The following GLCE variants were observed in gnomAD, a reference collection of about 807,000 sequenced individuals.
The protein encoded by GLCE is glucuronic acid epimerase.
In GLCE, 19 loss-of-function variants were observed where a neutral mutation model predicts 47.9. That is an observed-to-expected ratio of 0.40 (90% CI 0.28 to 0.58). The LOEUF is 0.58. Ranked by LOEUF, GLCE falls within the 20% of genes least tolerant of loss-of-function variation. GLCE has a pLI of 0.48. For synonymous variants in GLCE, 245 were observed against 263.4 expected, an observed-to-expected ratio of 0.93 and a Z score of 0.68; for missense variants, 556 against 743.3, an observed-to-expected ratio of 0.75 and a Z score of 2.93.
At chr15:69,218,712 A>C (rs1232449275) in intron 2 of GLCE, among the ~76,000 whole-genome samples, 2 of 152,232 alleles carry the variant, frequency 1.3e-5, no homozygotes, top group Admixed American at 6.5e-5. Context: ...TCAGTATAAT[A>C]CCTATTAATG....
intron 1 of GLCE, among the ~76,000 whole-genome samples, chr15:69,167,425 A>G (rs2051521499): frequency 6.6e-6 from 1 of 152,220 alleles, no homozygotes; most frequent in Non-Finnish European, 1.5e-5. Context: ...CCTGAAGCAC[A>G]TGGTTCCCTA....
intron 1 of GLCE, among the ~76,000 whole-genome samples, chr15:69,176,948 C>G (rs183943083): frequency 2.1e-4 from 32 of 152,034 alleles, no homozygotes; most frequent in African/African-American, 7.7e-4. Flanking sequence ...AGAATCAGGA[C>G]ACTCTCAAAT....
At chr15:69,204,466 G>A (rs1223434850) in intron 1 of GLCE, among the ~76,000 whole-genome samples, 1 of 151,592 alleles carries the variant, frequency 6.6e-6, no homozygotes, top group Non-Finnish European at 1.5e-5. Flanking sequence ...TGTATTTTTG[G>A]TAGAGACAGG....
intron 3 of GLCE, among the ~76,000 whole-genome samples, chr15:69,259,149 A>G (rs758359069): frequency 6.6e-6 from 1 of 152,180 alleles, no homozygotes; most frequent in Non-Finnish European, 1.5e-5. Context: ...GAGGTCAGAT[A>G]TCTTTTTCTT....
intron 2 of GLCE, among the ~76,000 whole-genome samples, chr15:69,230,162 C>T (rs954586041): frequency 1.0e-4 from 15 of 150,166 alleles, no homozygotes; most frequent in African/African-American, 2.7e-4. Context: ...GAGCCAAGAT[C>T]GCGCCATTGT....
chr15:69,270,610 C>T lies in GLCE; in HGVS notation c.*1366C>T, dbSNP rs1234843946. On this transcript the variant is annotated 3_prime_UTR_variant, in exon 5 of 5. Coordinates refer to ENST00000261858, the MANE Select transcript of GLCE (RefSeq NM_015554.3). ...GGGACCGAGTCTGACAAACACAATA[C>T]ATTTATCTGTGACCTATATCAAGTA... is the stretch of plus-strand genomic sequence containing the variant. 6.6e-6 allele frequency: 1 copy of T among 152,102 alleles called. No individual in the cohort carries two copies. Among genetic ancestry groups the T allele is most frequent in the Non-Finnish European group, 1.5e-5 (1 of 68,026 alleles). 9.4% of individuals were successfully genotyped at this position (152,102 alleles called of 1,614,324 possible). A position where few individuals can be genotyped will look rare whatever the true frequency, so the allele number is the denominator to read the frequency against.
At chr15:69,201,686 G>T (rs2052078071) in intron 1 of GLCE, among the ~76,000 whole-genome samples, 1 of 149,654 alleles carries the variant, frequency 6.7e-6, no homozygotes, top group African/African-American at 2.5e-5. Flanking sequence ...CATTGAGTTA[G>T]AAACCTCATT....
chr15:69,266,827 T>G (rs1326939680), intron 4 of GLCE: 2 of 368,918 alleles, frequency 5.4e-6, no homozygotes, highest in Non-Finnish European at 7.5e-6. Context: ...TACAACTAAT[T>G]AGCTTTTGGC....
chr15:69,268,531 G>T lies in GLCE; in HGVS notation c.1141G>T (p.Val381Phe). 1 of 1,614,174 alleles carries T rather than the reference G, an allele frequency of 6.2e-7. No individual in the cohort carries two copies. Among genetic ancestry groups the T allele is most frequent in the Non-Finnish European group, 8.5e-7 (1 of 1,180,028 alleles). The change falls in exon 5 of 5, where the codon GTT (valine) becomes TTT (phenylalanine). Residue 381 changes from valine (V) to phenylalanine (F), a missense_variant. Val to Phe is a conservative substitution (Grantham distance 50). Around this residue, in one of 3 missense-constraint regions of GLCE, gnomAD observed 245 missense variants for 368.1 expected, o/e 0.67. Coordinates refer to ENST00000261858, the MANE Select transcript of GLCE (RefSeq NM_015554.3). ...AACCAAAATAATGCCCAAGAAGGTGGTTAGGTTGATTGCAAAAGGTAAGGG... is the reference window on the plus strand; with the variant it reads ...AACCAAAATAATGCCCAAGAAGGTGTTTAGGTTGATTGCAAAAGGTAAGGG... Reference protein sequence around the residue: ...KPTKIMPKKVVRLIAKGKGFL... With the variant: ...KPTKIMPKKVFRLIAKGKGFL...
At chr15:69,207,324 A>G (rs1279591146) in intron 1 of GLCE, among the ~76,000 whole-genome samples, 1 of 152,094 alleles carries the variant, frequency 6.6e-6, no homozygotes, top group Non-Finnish European at 1.5e-5. Context: ...TGACAAATGC[A>G]TAACGTCATG....
intron 2 of GLCE, among the ~76,000 whole-genome samples, chr15:69,214,537 T>C (rs1351320563): frequency 6.6e-6 from 1 of 152,200 alleles, no homozygotes; most frequent in East Asian, 1.9e-4. Context: ...GTGAGTCAAT[T>C]AAACCTCTTT....
At position 69,248,670 on chromosome 15, in the gene GLCE, A is replaced by G. The variant is rs139337653; in HGVS notation, c.-13-7124A>G. On this transcript the variant is annotated intron_variant, in intron 2 of 4. Transcript: ENST00000261858. ...TTTTTGCCCCCTCACTCTGTCGCCC[A>G]GGCTGGAGTGCAATGGCGATCTCAG... is the stretch of plus-strand genomic sequence containing the variant. Among the ~76,000 whole-genome samples, 963 of 152,184 alleles carry G rather than the reference A, an allele frequency of 6.3e-3. 10 individuals carry two copies. Among genetic ancestry groups the G allele is most frequent in the African/African-American group, 0.022 (921 of 41,522 alleles).
At position 69,207,741 on chromosome 15, in the gene GLCE, C is replaced by T. The variant is rs191336766; in HGVS notation, c.-104-2575C>T. On this transcript the variant is annotated intron_variant, in intron 1 of 4. Coordinates refer to ENST00000261858, the MANE Select transcript of GLCE (RefSeq NM_015554.3). ...AGGTTTTTGTCTGAATACAAGTTTT[C>T]AGTTCAGTTTAGTAAGTATCTAGAA... Among the ~76,000 whole-genome samples the T allele has an allele frequency of 2.0e-5, 3 of 152,092 alleles. No individual in the cohort carries two copies. The East Asian group carries it at 5.8e-4, about 29-fold the overall frequency.
At position 69,270,247 on chromosome 15, in the gene GLCE, G is replaced by GA. The variant is rs2053146863; in HGVS notation, c.*1003_*1004insA. ...ACTATATGCAAGAAATCATAGCAAA[G>GA]TTTTTTTTTCCTACCAAGATCATTC... On this transcript the variant is annotated 3_prime_UTR_variant, in exon 5 of 5. Transcript: ENST00000261858. 1 of 151,124 alleles carries GA rather than the reference G, an allele frequency of 6.6e-6. No homozygotes were observed. The highest frequency in any genetic ancestry group is 6.6e-5 in the Admixed American group (1 of 15,156). 9.4% of individuals were successfully genotyped at this position (151,124 alleles called of 1,614,324 possible).
intron 1 of GLCE, among the ~76,000 whole-genome samples, chr15:69,161,610 C>T (rs2051422629): frequency 6.6e-6 from 1 of 152,170 alleles, no homozygotes; most frequent in Non-Finnish European, 1.5e-5. Context: ...GCAGGCTGGG[C>T]AGCATCCTGA....
chr15:69,208,061 G>A (rs1327793300), intron 1 of GLCE, among the ~76,000 whole-genome samples: 1 of 151,902 alleles, frequency 6.6e-6, no homozygotes, highest in Non-Finnish European at 1.5e-5. Context: ...TTCCATAAGC[G>A]ATTTGCAGGT....
chr15:69,180,807 C>T (rs59048432), intron 1 of GLCE, among the ~76,000 whole-genome samples: 18,489 of 152,062 alleles, frequency 0.12, 1,187 homozygotes, highest in East Asian at 0.16. Flanking sequence ...CTAAGTGATA[C>T]GTGGTATAGA....
chr15:69,173,873 T>G (rs1197240019), intron 1 of GLCE, among the ~76,000 whole-genome samples: 1 of 152,230 alleles, frequency 6.6e-6, no homozygotes, highest in Non-Finnish European at 1.5e-5. Context: ...TTTTTATTTT[T>G]TTGAGACAGG....
At chr15:69,168,396 A>G (rs942100695) in intron 1 of GLCE, among the ~76,000 whole-genome samples, 1 of 152,210 alleles carries the variant, frequency 6.6e-6, no homozygotes, top group African/African-American at 2.4e-5. Flanking sequence ...TAGGTGCTCA[A>G]ATTTTTGTTG....
Sources: gnomAD v4.1 joint callset for allele counts (sites outside exome capture counted in the v4.1 genomes callset) on GRCh38, gnomAD v4.1.1 for gene constraint, gnomAD v4.1.1 regional missense constraint, MANE v1.5 for transcripts, NCBI Gene and HGNC (gene_info 2026-07-23, HGNC 2026-07-21) for gene names.